Variants in BRI3 observed in about 807,000 individuals in gnomAD.
BRI3 encodes the protein brain protein I3.
A neutral mutation model predicts 12.8 loss-of-function variants in BRI3; 6 were observed. The ratio of observed to expected loss-of-function variants is 0.47; its 90% CI spans 0.26 to 0.93. The LOEUF (loss-of-function observed/expected upper bound fraction) is 0.93, where lower values mean the gene tolerates loss of function less well. Among genes scored for constraint, BRI3 ranks in the 40% least tolerant of loss-of-function variants. The pLI, the probability that BRI3 is intolerant of heterozygous loss-of-function variation, is 0.15. For missense variants in BRI3, 134 were observed against 171.1 expected, an observed-to-expected ratio of 0.78 and a Z score of 1.21; for synonymous variants, 91 against 76.1, an observed-to-expected ratio of 1.20 and a Z score of -1.02.
intron 1 of BRI3, among the ~76,000 whole-genome samples, chr7:98,298,470 A>G (rs927895992): frequency 9.9e-5 from 15 of 152,074 alleles, no homozygotes; most frequent in Admixed American, 3.3e-4. Flanking sequence ...AAACTTAGCC[A>G]GGCGTAGTGG....
downstream of BRI3, chr7:98,294,094 A>T (rs1303904454): frequency 6.2e-7 from 1 of 1,614,044 alleles, no homozygotes; most frequent in East Asian, 2.2e-5. Flanking sequence ...GCGGCTTTGC[A>T]GTCCCGTTGG....
downstream of BRI3, chr7:98,292,531 T>A (rs1800010945): frequency 9.1e-7 from 1 of 1,099,076 alleles, no homozygotes; most frequent in Admixed American, 2.2e-5. Context: ...AAAGATGATT[T>A]CCAGCCCCGG....
chr7:98,301,359 C>T (rs146643793), intron 1 of BRI3, among the ~76,000 whole-genome samples: 4 of 152,146 alleles, frequency 2.6e-5, no homozygotes, highest in East Asian at 1.9e-4. Flanking sequence ...GATTAGAATC[C>T]GCATAAGGAG....
downstream of BRI3, chr7:98,293,545 ATCATTCGTCACAGT>A: frequency 6.2e-7 from 1 of 1,613,770 alleles, no homozygotes; most frequent in Admixed American, 1.7e-5. Context: ...GTGCCGAGCG[ATCATTCGTCACAGT>A]CGGGCGGAGT....
chr7:98,302,015 G>C (rs758679473), upstream of BRI3, among the ~76,000 whole-genome samples: 1 of 152,180 alleles, frequency 6.6e-6, no homozygotes. Flanking sequence ...TGGGAAGCCG[G>C]TAAGAGGCGT....
downstream of BRI3, among the ~76,000 whole-genome samples, chr7:98,311,253 A>G (rs1800856466): frequency 6.6e-6 from 1 of 152,070 alleles, no homozygotes; most frequent in Non-Finnish European, 1.5e-5. Context: ...AAATAAAAAC[A>G]GTAAGTATGG....
downstream of BRI3, chr7:98,312,234 G>A (rs926840270): frequency 1.9e-5 from 30 of 1,612,948 alleles, no homozygotes; most frequent in African/African-American, 2.7e-5. Flanking sequence ...TCCTGCCACC[G>A]AGGCAGCTTG....
downstream of BRI3, among the ~76,000 whole-genome samples, chr7:98,294,961 T>TC (rs1018125022): frequency 3.3e-5 from 5 of 152,150 alleles, no homozygotes; most frequent in African/African-American, 7.2e-5. Context: ...TAACACTCTT[T>TC]CCTGCCTGCA....
At chr7:98,293,605 G>A (rs775363841), downstream of BRI3, 1 of 1,611,840 alleles carries the variant, frequency 6.2e-7, no homozygotes, top group Non-Finnish European at 8.5e-7. Context: ...CGCTGCAGGG[G>A]ATAAGAAAAA....
chr7:98,290,752 G>A (rs945937554), intron 2 of BRI3, among the ~76,000 whole-genome samples: 6 of 152,146 alleles, frequency 3.9e-5, no homozygotes, highest in South Asian at 2.1e-4. Flanking sequence ...ACCCGCCTCC[G>A]CCTCCCACAG....
intron 2 of BRI3, 116 bp downstream of exon 2, chr7:98,282,569 AC>A: frequency 1.2e-6 from 1 of 832,214 alleles, no homozygotes; most frequent in Non-Finnish European, 1.9e-6. Context: ...TTGGATCTTG[AC>A]CAGAGCCCTT....
downstream of BRI3, among the ~76,000 whole-genome samples, chr7:98,294,300 G>A (rs1800095149): frequency 6.6e-6 from 1 of 152,180 alleles, no homozygotes; most frequent in African/African-American, 2.4e-5. Context: ...GCCTGTATTG[G>A]AGATTTTTAA....
downstream of BRI3, among the ~76,000 whole-genome samples, chr7:98,311,525 A>C (rs1800868260): frequency 6.6e-6 from 1 of 151,966 alleles, no homozygotes. Flanking sequence ...TGAGTGACAG[A>C]GCAAGACTGT....
At chr7:98,295,372 T>G (rs1047322823), downstream of BRI3, among the ~76,000 whole-genome samples, 4 of 152,176 alleles carry the variant, frequency 2.6e-5, no homozygotes, top group Admixed American at 1.3e-4. Context: ...ACAAAGCCAC[T>G]GACCTGCCTT....
At chr7:98,293,439 C>A, downstream of BRI3, 1 of 1,318,064 alleles carries the variant, frequency 7.6e-7, no homozygotes, top group South Asian at 1.2e-5. Context: ...GCTTCCCGAC[C>A]GTCAGCACGT....
At chr7:98,318,596 G>A in the BRI3 span, among the ~76,000 whole-genome samples, 4 of 151,532 alleles carry the variant, frequency 2.6e-5, no homozygotes, top group East Asian at 3.9e-4. Flanking sequence ...GGTCTTAAAC[G>A]GACCCGCGTC....
downstream of BRI3, chr7:98,292,908 A>G: frequency 1.4e-6 from 2 of 1,411,032 alleles, no homozygotes; most frequent in Non-Finnish European, 1.8e-6. Flanking sequence ...TGTGGCTGTG[A>G]TAAGGGCAGG....
chr7:98,286,118 A>G (rs546039071), intron 2 of BRI3, among the ~76,000 whole-genome samples: 84 of 152,264 alleles, frequency 5.5e-4, no homozygotes, highest in African/African-American at 1.8e-3. Flanking sequence ...TGGGGAGCCC[A>G]TCTGGGTTCA....
At chr7:98,316,813 G>A in the BRI3 span, among the ~76,000 whole-genome samples, 1 of 151,724 alleles carries the variant, frequency 6.6e-6, no homozygotes, top group African/African-American at 2.4e-5. Context: ...GCTATCTAGA[G>A]AATGACAGGT....
Sources: gnomAD v4.1 joint callset for allele counts (sites outside exome capture counted in the v4.1 genomes callset) on GRCh38, gnomAD v4.1.1 for gene constraint, MANE v1.5 for transcripts, NCBI Gene and HGNC (gene_info 2026-07-23, HGNC 2026-07-21) for gene names.